CRACR2A: variants seen among roughly 807,000 people sequenced by gnomAD.
The protein encoded by CRACR2A is calcium release activated channel regulator 2A.
CRACR2A carries 79 observed loss-of-function variants against 90.5 expected under a neutral mutation model. The observed-to-expected ratio is 0.87, with a 90% CI of 0.73 to 1.05. The LOEUF is 1.05. Ranked by LOEUF, CRACR2A falls within the 50% of genes least tolerant of loss-of-function variation. The pLI is 0.00. For missense variants in CRACR2A, 823 were observed against 897.2 expected (o/e 0.92, Z 1.06); for synonymous variants, 338 against 356.7 (o/e 0.95, Z 0.59).
chr12:3,656,447 G>C, intron 8 of CRACR2A, 41 bp from the exon 9 acceptor site: 1 of 1,589,088 alleles, frequency 6.3e-7, no homozygotes. Context: ...CCCAAATGTA[G>C]CACACCCGGG....
At chr12:3,717,818 C>T (rs1166890665) in intron 2 of CRACR2A, among the ~76,000 whole-genome samples, 1 of 152,196 alleles carries the variant, frequency 6.6e-6, no homozygotes, top group East Asian at 1.9e-4. Flanking sequence ...CTCCATGTGA[C>T]ACTTAGTCAT....
chr12:3,725,622 T>A (rs892929227), intron 2 of CRACR2A, among the ~76,000 whole-genome samples: 1 of 152,238 alleles, frequency 6.6e-6, no homozygotes, highest in Non-Finnish European at 1.5e-5. Flanking sequence ...CCTATCTTTT[T>A]ACCATTCGCC....
At chr12:3,690,349 G>C (rs535235388) in intron 4 of CRACR2A, among the ~76,000 whole-genome samples, 1 of 152,136 alleles carries the variant, frequency 6.6e-6, no homozygotes, top group Non-Finnish European at 1.5e-5. Context: ...AGATATTCTG[G>C]TATGTTGTAT....
At chr12:3,750,865 C>T (rs1483656954) in intron 1 of CRACR2A, among the ~76,000 whole-genome samples, 1 of 152,190 alleles carries the variant, frequency 6.6e-6, no homozygotes, top group Non-Finnish European at 1.5e-5. Flanking sequence ...CTACTGCGGC[C>T]ACTGCCCCAG....
chr12:3,664,490 C>T (rs1313675277), intron 7 of CRACR2A, among the ~76,000 whole-genome samples: 1 of 151,972 alleles, frequency 6.6e-6, no homozygotes, highest in East Asian at 1.9e-4. Context: ...ATGTGTCTTC[C>T]TGTTGTGTTG....
At chr12:3,622,428 C>G (rs17697596) in intron 17 of CRACR2A, among the ~76,000 whole-genome samples, 15,119 of 152,284 alleles carry the variant, frequency 0.099, 819 homozygotes, top group Middle Eastern at 0.16. Context: ...CTATGACCCT[C>G]TAACAGAGAG....
intron 18 of CRACR2A, 31 bp from the exon 19 acceptor site, chr12:3,617,061 G>A (rs1867700376): frequency 1.3e-6 from 2 of 1,507,750 alleles, no homozygotes; most frequent in African/African-American, 2.8e-5. Flanking sequence ...GAATACAAGA[G>A]TATTGGAGTG....
chr12:3,629,726 G>A (rs1160547081), intron 15 of CRACR2A, among the ~76,000 whole-genome samples: 2 of 152,050 alleles, frequency 1.3e-5, no homozygotes, highest in East Asian at 3.9e-4. Context: ...GCTGTGGTGA[G>A]CTTGGTGAGA....
At chr12:3,696,237 C>T (rs1212671490) in intron 4 of CRACR2A, among the ~76,000 whole-genome samples, 1 of 152,202 alleles carries the variant, frequency 6.6e-6, no homozygotes. Context: ...TATGAAAAGG[C>T]TGCCGGGCCC....
At chr12:3,691,146 T>C (rs1036936093) in intron 4 of CRACR2A, among the ~76,000 whole-genome samples, 4 of 152,358 alleles carry the variant, frequency 2.6e-5, no homozygotes, top group African/African-American at 9.6e-5. Context: ...ATTTAGCCTG[T>C]TTATATTCAA....
intron 18 of CRACR2A, among the ~76,000 whole-genome samples, chr12:3,617,864 C>T (rs943779110): frequency 6.6e-6 from 1 of 152,014 alleles, no homozygotes; most frequent in Non-Finnish European, 1.5e-5. Context: ...CTCTGCCATG[C>T]TCCCAGTGCA....
intron 2 of CRACR2A, among the ~76,000 whole-genome samples, chr12:3,715,705 A>C (rs1946073406): frequency 6.6e-6 from 1 of 152,250 alleles, no homozygotes; most frequent in African/African-American, 2.4e-5. Context: ...AATGGAATTA[A>C]AAGATGAAAA....
chr12:3,648,244 G>C lies in CRACR2A; in HGVS notation c.1118+298C>G, dbSNP rs1451591162. ...ATAGATTAAATGCTCATTAAACCCA[G>C]CTCTGCTCGCATGAGATCAAGTACC... On this transcript the variant is annotated intron_variant, in intron 11 of 19. Coordinates refer to ENST00000440314, the MANE Select transcript of CRACR2A (RefSeq NM_001144958.2). 3.1e-6 allele frequency: 4 copies of C among 1,285,718 alleles called. No homozygotes were observed. The African/African-American group carries it at 5.9e-5, about 19-fold the overall frequency. The allele number at this position is 1,285,718 out of a possible 1,614,324, so 79.6% of individuals were successfully genotyped here. A position where few individuals can be genotyped will look rare whatever the true frequency, so the allele number is the denominator to read the frequency against.
intron 3 of CRACR2A, among the ~76,000 whole-genome samples, chr12:3,704,028 A>G (rs978441132): frequency 6.6e-6 from 1 of 152,278 alleles, no homozygotes; most frequent in Non-Finnish European, 1.5e-5. Context: ...TTTCTTAGAA[A>G]GTCAAACAAG....
intron 3 of CRACR2A, among the ~76,000 whole-genome samples, chr12:3,710,459 T>C (rs992636795): frequency 2.6e-5 from 4 of 152,010 alleles, no homozygotes; most frequent in South Asian, 2.1e-4. Context: ...CTCTTCTGAG[T>C]TGCAGATTGC....
intron 7 of CRACR2A, among the ~76,000 whole-genome samples, chr12:3,668,154 A>G (rs73047261): frequency 0.082 from 12,539 of 152,216 alleles, 602 homozygotes; most frequent in African/African-American, 0.12. Flanking sequence ...ATAATAATAT[A>G]CCCACAGAAG....
chr12:3,716,426 G>T (rs895948004), intron 2 of CRACR2A, among the ~76,000 whole-genome samples: 1 of 152,218 alleles, frequency 6.6e-6, no homozygotes, highest in Non-Finnish European at 1.5e-5. Flanking sequence ...CAAGGGTTTT[G>T]TCAAACACTG....
At chr12:3,744,386 C>A (rs763552335) in intron 1 of CRACR2A, among the ~76,000 whole-genome samples, 1 of 152,198 alleles carries the variant, frequency 6.6e-6, no homozygotes, top group Non-Finnish European at 1.5e-5. Context: ...GAAACCTTCT[C>A]GAGTAGACAC....
intron 2 of CRACR2A, chr12:3,726,809 G>A (rs1946273482): frequency 1.3e-5 from 2 of 151,570 alleles, no homozygotes; most frequent in Non-Finnish European, 2.9e-5. Context: ...CTGTGTTGAG[G>A]CATATATTCG....
Sources: gnomAD v4.1 joint callset for allele counts (sites outside exome capture counted in the v4.1 genomes callset) on GRCh38, gnomAD v4.1.1 for gene constraint, MANE v1.5 for transcripts, NCBI Gene and HGNC (gene_info 2026-07-23, HGNC 2026-07-21) for gene names.